The following PRKAA1 variants were observed in gnomAD, a reference collection of about 807,000 sequenced individuals.
PRKAA1 encodes protein kinase AMP-activated catalytic subunit alpha 1.
PRKAA1 carries 23 observed loss-of-function variants against 56.9 expected under a neutral mutation model. That is an observed-to-expected ratio of 0.40 (90% CI 0.29 to 0.57). The LOEUF is 0.57. Among genes scored for constraint, PRKAA1 ranks in the 20% least tolerant of loss-of-function variants. The pLI is 0.39. For synonymous variants in PRKAA1, 226 were observed against 227.0 expected, an observed-to-expected ratio of 1.00 and a Z score of 0.04; for missense variants, 413 against 679.7, an observed-to-expected ratio of 0.61 and a Z score of 4.36.
chr5:40,785,540 C>A (rs1236107576), intron 1 of PRKAA1, among the ~76,000 whole-genome samples: 1 of 151,992 alleles, frequency 6.6e-6, no homozygotes, highest in Non-Finnish European at 1.5e-5. Context: ...CCACGCCCAG[C>A]CCACAGACAT....
intron 1 of PRKAA1, among the ~76,000 whole-genome samples, chr5:40,782,134 G>A (rs1386704651): frequency 6.6e-6 from 1 of 152,092 alleles, no homozygotes; most frequent in Non-Finnish European, 1.5e-5. Context: ...GTGGACTCAA[G>A]ACCTGGAAAG....
At chr5:40,797,570 G>A (rs1744981948) in intron 1 of PRKAA1, among the ~76,000 whole-genome samples, 1 of 152,184 alleles carries the variant, frequency 6.6e-6, no homozygotes, top group African/African-American at 2.4e-5. Flanking sequence ...TTTCGCACTC[G>A]GGAAACAGCA....
intron 4 of PRKAA1, among the ~76,000 whole-genome samples, chr5:40,769,962 C>T (rs1247613563): frequency 6.6e-6 from 1 of 150,616 alleles, no homozygotes; most frequent in Non-Finnish European, 1.5e-5. Flanking sequence ...CTGTTGCTCC[C>T]TCAAAAATGC....
intron 3 of PRKAA1, chr5:40,774,897 C>T (rs750221610): frequency 6.5e-7 from 1 of 1,534,696 alleles, no homozygotes; most frequent in Non-Finnish European, 9.0e-7. Context: ...AAGTTCCTTC[C>T]AGCTGTAAAT....
At chr5:40,780,490 C>A (rs779812580) in intron 1 of PRKAA1, among the ~76,000 whole-genome samples, 1 of 151,940 alleles carries the variant, frequency 6.6e-6, no homozygotes, top group African/African-American at 2.4e-5. Context: ...ATATGAGAGA[C>A]GATTTATTAG....
chr5:40,791,677 C>T (rs1345428104), intron 1 of PRKAA1, among the ~76,000 whole-genome samples: 2 of 152,174 alleles, frequency 1.3e-5, no homozygotes, highest in Non-Finnish European at 2.9e-5. Flanking sequence ...AAGGAAATAG[C>T]TTAATCCTGG....
chr5:40,794,083 CAA>C (rs1744827276), intron 1 of PRKAA1, among the ~76,000 whole-genome samples: 1 of 146,002 alleles, frequency 6.8e-6, no homozygotes, highest in South Asian at 2.2e-4. Context: ...GCCTGGGTGA[CAA>C]GAGCAAAACT....
chr5:40,794,670 T>C (rs1744851493), intron 1 of PRKAA1, among the ~76,000 whole-genome samples: 1 of 126,164 alleles, frequency 7.9e-6, no homozygotes, highest in Non-Finnish European at 1.8e-5. Flanking sequence ...TATATAAGGT[T>C]GAGAGATGAG....
At chr5:40,781,036 C>T (rs1029965605) in intron 1 of PRKAA1, among the ~76,000 whole-genome samples, 2 of 152,108 alleles carry the variant, frequency 1.3e-5, no homozygotes, top group East Asian at 3.8e-4. Flanking sequence ...ATCGGTTCCA[C>T]CTAATATGAT....
chr5:40,774,571 T>TG lies in PRKAA1; in HGVS notation c.363+838dup, dbSNP rs201212997. Among the ~76,000 whole-genome samples the TG allele has an allele frequency of 4.8e-5, 7 of 144,910 alleles. 1 individual carries two copies. The highest frequency in any genetic ancestry group is 5.0e-5 in the African/African-American group (2 of 39,654). On this transcript the variant is annotated intron_variant, in intron 3 of 8. Transcript: ENST00000397128. Reference sequence around the variant, plus strand: ...AGAATTTTTTTTTTTTTTTTTTTTTTGGTAAGGAGAAGCAGGAGTAAAGGG... The same window carrying TG: ...AGAATTTTTTTTTTTTTTTTTTTTTTGGGTAAGGAGAAGCAGGAGTAAAGGG...
chr5:40,777,943 A>G (rs1744093379), intron 1 of PRKAA1, among the ~76,000 whole-genome samples: 1 of 152,174 alleles, frequency 6.6e-6, no homozygotes, highest in Admixed American at 6.5e-5. Context: ...GCGTGCTGGT[A>G]CACAGCTGTA....
rs186431156 is a variant in PRKAA1, at chr5:40,787,686, C to G, written c.128-10100G>C. Among the ~76,000 whole-genome samples, 570 of 147,086 alleles carry G rather than the reference C, an allele frequency of 3.9e-3. 3 individuals carry two copies. Among genetic ancestry groups the G allele is most frequent in the Admixed American group, 8.1e-3 (114 of 14,040 alleles). ...CCACAGGGTAACTACAAAGCAAAAG[C>G]CTTTGCTTTTGCAAAAGATAAAAAG... is the stretch of plus-strand genomic sequence containing the variant. On this transcript the variant is annotated intron_variant, in intron 1 of 8. Coordinates refer to ENST00000397128, the MANE Select transcript of PRKAA1 (RefSeq NM_006251.6).
Position 40,789,641 on chromosome 5 carries a change from G to A in PRKAA1, c.127+8422C>T, listed in dbSNP as rs551895645. Among the ~76,000 whole-genome samples, 125 of 152,278 alleles carry A rather than the reference G, an allele frequency of 8.2e-4. 1 individual carries two copies. The highest frequency in any genetic ancestry group is 1.2e-3 in the Non-Finnish European group (80 of 68,016). ...ACCAGTAGCTGGGGTAAGTGGGGCT[G>A]GAGGGGAAAAGGAAGATATTGGTCA... On this transcript the variant is annotated intron_variant, in intron 1 of 8. Transcript: ENST00000397128.
At chr5:40,774,332 GTTA>G (rs1347363121) in intron 3 of PRKAA1, among the ~76,000 whole-genome samples, 1 of 152,064 alleles carries the variant, frequency 6.6e-6, no homozygotes, top group African/African-American at 2.4e-5. Context: ...CTCAGACTAG[GTTA>G]TTATATCTGT....
intron 1 of PRKAA1, among the ~76,000 whole-genome samples, chr5:40,797,000 C>G (rs549861152): frequency 6.6e-6 from 1 of 152,234 alleles, no homozygotes; most frequent in Non-Finnish European, 1.5e-5. Context: ...TCATGCCTTA[C>G]AAAACTTGCA....
intron 3 of PRKAA1, 28 bp from the exon 4 acceptor site, chr5:40,771,891 AG>A: frequency 6.3e-7 from 1 of 1,598,528 alleles, no homozygotes. Context: ...GGCTTTTTAA[AG>A]GTGTGTCTTT....
At chr5:40,787,048 A>G (rs1744521587) in intron 1 of PRKAA1, among the ~76,000 whole-genome samples, 1 of 152,148 alleles carries the variant, frequency 6.6e-6, no homozygotes, top group Non-Finnish European at 1.5e-5. Flanking sequence ...GAAAACATGA[A>G]AAGTATAAAA....
intron 3 of PRKAA1, 103 bp downstream of exon 3, chr5:40,775,307 G>A (rs1743947667): frequency 2.4e-6 from 2 of 842,850 alleles, no homozygotes. Context: ...AAGGGAACTG[G>A]TTATTAAATA....
chr5:40,768,910 G>A (rs1166822980), intron 5 of PRKAA1: 13 of 1,557,512 alleles, frequency 8.3e-6, no homozygotes, highest in Middle Eastern at 1.7e-4. Context: ...TAAATTGAGA[G>A]GTTAAAATTC....
Sources: allele counts gnomAD v4.1 joint callset (sites outside exome capture counted in the v4.1 genomes callset), GRCh38; gene constraint gnomAD v4.1.1; transcripts MANE v1.5; gene names NCBI Gene and HGNC (gene_info 2026-07-23, HGNC 2026-07-21).